Variants in GOLGA5 observed in about 807,000 individuals in gnomAD.
GOLGA5 encodes the protein golgin A5.
A neutral mutation model predicts 93.5 loss-of-function variants in GOLGA5; 50 were observed. The ratio of observed to expected loss-of-function variants is 0.53; its 90% CI spans 0.43 to 0.68. The LOEUF is 0.68. Among genes scored for constraint, GOLGA5 ranks in the 30% least tolerant of loss-of-function variants. The pLI is 0.00. For missense variants in GOLGA5, 760 were observed against 856.4 expected (o/e 0.89, Z 1.40); for synonymous variants, 312 against 304.5 (o/e 1.02, Z -0.26).
At chr14:92,817,062 T>C (rs1432639742) in intron 7 of GOLGA5, among the ~76,000 whole-genome samples, 1 of 152,058 alleles carries the variant, frequency 6.6e-6, no homozygotes, top group East Asian at 1.9e-4. Flanking sequence ...TGCCTCAGCC[T>C]CTTGAGTAGC....
intron 2 of GOLGA5, among the ~76,000 whole-genome samples, chr14:92,804,590 C>T (rs1243965100): frequency 3.3e-5 from 5 of 151,700 alleles, no homozygotes; most frequent in Admixed American, 2.0e-4. Flanking sequence ...CATTTTCTTA[C>T]TCTAAAAATA....
intron 9 of GOLGA5, among the ~76,000 whole-genome samples, chr14:92,826,573 C>G (rs1310568102): frequency 6.6e-6 from 1 of 151,798 alleles, no homozygotes; most frequent in Non-Finnish European, 1.5e-5. Flanking sequence ...TGGTGCAGAC[C>G]TGTAATACCA....
Position 92,805,078 on chromosome 14 carries a change from C to T in GOLGA5, c.545-1658C>T, listed in dbSNP as rs191292197. On this transcript the variant is annotated intron_variant, in intron 2 of 12. Transcript: ENST00000163416. Reference sequence around the variant, plus strand: ...ATGCACACAAATCTTAGCTATATGACGAATGGCAATACCTGTGTAACCCAC... The same window carrying T: ...ATGCACACAAATCTTAGCTATATGATGAATGGCAATACCTGTGTAACCCAC... 1.4e-3 allele frequency among the ~76,000 whole-genome samples: 220 copies of T among 152,254 alleles called. 2 individuals are homozygous for T. Among genetic ancestry groups the T allele is most frequent in the African/African-American group, 5.0e-3 (209 of 41,534 alleles).
chr14:92,833,385 A>T (rs776953591), intron 10 of GOLGA5, 38 bp downstream of exon 10: 10 of 1,357,928 alleles, frequency 7.4e-6, no homozygotes, highest in Non-Finnish European at 1.1e-6. Flanking sequence ...CATTTCATTC[A>T]AACATGCTTT....
intron 1 of GOLGA5, among the ~76,000 whole-genome samples, chr14:92,796,655 A>T (rs943824111): frequency 6.6e-6 from 1 of 152,152 alleles, no homozygotes; most frequent in Admixed American, 6.5e-5. Context: ...AGTTCAGCCC[A>T]TAACAGATGC....
chr14:92,806,594 T>G, intron 2 of GOLGA5, 142 bp from the exon 3 acceptor site: 4 of 608,192 alleles, frequency 6.6e-6, no homozygotes, highest in Non-Finnish European at 1.2e-5. Context: ...ATTACAGGCA[T>G]GAGCCACCGC....
At chr14:92,834,787 A>G (rs1885605758) in intron 10 of GOLGA5, among the ~76,000 whole-genome samples, 1 of 152,208 alleles carries the variant, frequency 6.6e-6, no homozygotes, top group African/African-American at 2.4e-5. Context: ...TCTGACTGCC[A>G]TGTCAAGAAT....
chr14:92,839,815 GT>G lies in GOLGA5; in HGVS notation c.*378del, dbSNP rs35119877. ...TTGTATTTAGTGACAAAAATAAAAA[GT>G]TTTTTTTTATAATTCAGTCTGCTTT... On this transcript the variant is annotated 3_prime_UTR_variant, in exon 13 of 13. Transcript: ENST00000163416. 5.3e-5 allele frequency: 11 copies of G among 206,750 alleles called. No individual in the cohort carries two copies. Among genetic ancestry groups the G allele is most frequent in the Non-Finnish European group, 8.7e-5 (9 of 103,224 alleles). The allele number at this position is 206,750 out of a possible 1,614,324, so 12.8% of individuals were successfully genotyped here. A position where few individuals can be genotyped will look rare whatever the true frequency, so the allele number is the denominator to read the frequency against.
chr14:92,798,816 T>C (rs1884796265), intron 2 of GOLGA5, among the ~76,000 whole-genome samples: 1 of 152,166 alleles, frequency 6.6e-6, no homozygotes, highest in Non-Finnish European at 1.5e-5. Context: ...CTTGGGAGGC[T>C]GAGGCGGGAG....
At chr14:92,802,611 G>C (rs1398879224) in intron 2 of GOLGA5, among the ~76,000 whole-genome samples, 1 of 151,844 alleles carries the variant, frequency 6.6e-6, no homozygotes, top group African/African-American at 2.4e-5. Flanking sequence ...GTTTAAGGAA[G>C]TTCCCATAAA....
In GOLGA5 at chr14:92,839,809, TAA is replaced by T. The variant is rs533739687; in HGVS notation, c.*367_*368del. On this transcript the variant is annotated 3_prime_UTR_variant, in exon 13 of 13. Transcript: ENST00000163416. ...AACTAATTGTATTTAGTGACAAAAA[TAA>T]AAAGTTTTTTTTTATAATTCAGTCT... 289 of 145,510 alleles carry T rather than the reference TAA, an allele frequency of 2.0e-3. No homozygotes were observed. The highest frequency in any genetic ancestry group is 9.7e-3 in the Middle Eastern group (6 of 616). The allele number at this position is 145,510 out of a possible 1,614,324, so 9.0% of individuals were successfully genotyped here.
chr14:92,796,166 A>T (rs1884721833), intron 1 of GOLGA5, among the ~76,000 whole-genome samples: 3 of 152,266 alleles, frequency 2.0e-5, no homozygotes, highest in Non-Finnish European at 4.4e-5. Flanking sequence ...GTTTAACATT[A>T]AGATAGCTTT....
intron 12 of GOLGA5, 112 bp downstream of exon 12, chr14:92,837,561 C>G: frequency 1.5e-6 from 1 of 657,774 alleles, no homozygotes; most frequent in East Asian, 2.7e-5. Context: ...AGCAATCAAT[C>G]AATTTTTTTT....
chr14:92,820,616 C>G (rs751888510), intron 8 of GOLGA5, among the ~76,000 whole-genome samples: 1 of 152,200 alleles, frequency 6.6e-6, no homozygotes, highest in Non-Finnish European at 1.5e-5. Flanking sequence ...GGCCATATCT[C>G]AGGCTATCAC....
chr14:92,811,977 G>T (rs537474812), intron 6 of GOLGA5, among the ~76,000 whole-genome samples: 1 of 152,186 alleles, frequency 6.6e-6, no homozygotes, highest in Admixed American at 6.5e-5. Flanking sequence ...CCTAGTTCAG[G>T]TCTTCAACCT....
intron 2 of GOLGA5, among the ~76,000 whole-genome samples, chr14:92,800,034 G>A (rs1227582115): frequency 6.6e-6 from 1 of 152,170 alleles, no homozygotes; most frequent in Non-Finnish European, 1.5e-5. Context: ...AACTTGTATA[G>A]AAGAAGACGT....
At chr14:92,799,272 A>ATTTTTTTTTTTTTTTTTTT (rs1191305000) in intron 2 of GOLGA5, among the ~76,000 whole-genome samples, 1 of 124,194 alleles carries the variant, frequency 8.1e-6, no homozygotes, top group African/African-American at 3.4e-5. Flanking sequence ...GGCCATAGGG[A>ATTTTTTTTTTTTTTTTTTT]TTTTTTTTTT....
chr14:92,822,339 T>G (rs956399812), intron 8 of GOLGA5, among the ~76,000 whole-genome samples: 9 of 152,238 alleles, frequency 5.9e-5, no homozygotes, highest in Non-Finnish European at 1.5e-5. Context: ...TGCTGTACTC[T>G]TCACTGTCTT....
At chr14:92,826,800 C>G (rs1174777062) in intron 9 of GOLGA5, among the ~76,000 whole-genome samples, 2 of 151,768 alleles carry the variant, frequency 1.3e-5, no homozygotes, top group Non-Finnish European at 1.5e-5. Context: ...ATTAGACTTG[C>G]AAAGTTACCA....
Sources: allele counts gnomAD v4.1 joint callset (sites outside exome capture counted in the v4.1 genomes callset), GRCh38; gene constraint gnomAD v4.1.1; transcripts MANE v1.5; gene names NCBI Gene and HGNC (gene_info 2026-07-23, HGNC 2026-07-21).